DNAH9: variants seen among roughly 807,000 people sequenced by gnomAD.
DNAH9 encodes DNAH9 variant protein.
A neutral mutation model predicts 471.6 loss-of-function variants in DNAH9; 345 were observed. That is an observed-to-expected ratio of 0.73 (90% CI 0.67 to 0.80). DNAH9 has a LOEUF of 0.80. Among genes scored for constraint, DNAH9 ranks in the 30% least tolerant of loss-of-function variants. The probability of loss-of-function intolerance (pLI) is 0.00; values close to 1 mark genes in which losing one functional copy is unlikely to be tolerated. For missense variants in DNAH9, 5,407 were observed against 5,609.2 expected, an observed-to-expected ratio of 0.96 and a Z score of 1.15; for synonymous variants, 2,093 against 2,123.6, an observed-to-expected ratio of 0.99 and a Z score of 0.40.
rs116598510 is a variant in DNAH9, at chr17:11,712,514, C to T, written c.5553-6820C>T. On this transcript the variant is annotated intron_variant, in intron 26 of 68. Coordinates refer to ENST00000262442, the MANE Select transcript of DNAH9 (RefSeq NM_001372.4). Reference sequence around the variant, plus strand: ...ACTGATAAGCTGTTTTCTAAAGTGGCTGCACCATTTTACATTTACACCAAC... The same window carrying T: ...ACTGATAAGCTGTTTTCTAAAGTGGTTGCACCATTTTACATTTACACCAAC... 1.0e-3 allele frequency among the ~76,000 whole-genome samples: 157 copies of T among 152,142 alleles called. 2 individuals carry two copies. Among genetic ancestry groups the T allele is most frequent in the African/African-American group, 3.7e-3 (155 of 41,516 alleles).
At chr17:11,736,526 G>A (rs2075350238) in intron 28 of DNAH9, among the ~76,000 whole-genome samples, 1 of 152,128 alleles carries the variant, frequency 6.6e-6, no homozygotes. Context: ...CCTTTCCCAG[G>A]ACCTGGACGT....
Position 11,744,992 on chromosome 17 carries a change from G to A in DNAH9, c.6307G>A (p.Val2103Ile), listed in dbSNP as rs2075498309. The change falls in exon 31 of 69, where the codon GTC (valine) becomes ATC (isoleucine). Residue 2103 changes from valine (V) to isoleucine (I), a missense_variant. Coordinates refer to ENST00000262442, the MANE Select transcript of DNAH9 (RefSeq NM_001372.4). Reference sequence around the variant, plus strand: ...CGGGGACCTCTTTCCCGCCCTGGATGTCCCCCGGAGGAGAGACCCCAACTT... The same window carrying A: ...CGGGGACCTCTTTCCCGCCCTGGATATCCCCCGGAGGAGAGACCCCAACTT... The part of the protein sequence containing the change: ...LIGDLFPALD[V>I]PRRRDPNFEA... 3 of 1,614,012 alleles carry A rather than the reference G, an allele frequency of 1.9e-6. No individual in the cohort carries two copies. The African/African-American group carries it at 4.0e-5, about 22-fold the overall frequency.
At chr17:11,739,899 GT>G (rs1253416330) in intron 29 of DNAH9, among the ~76,000 whole-genome samples, 2 of 152,140 alleles carry the variant, frequency 1.3e-5, no homozygotes, top group Non-Finnish European at 2.9e-5. Flanking sequence ...TGACAAAACT[GT>G]TTTGTCTCAT....
chr17:11,727,816 A>G lies in DNAH9; in HGVS notation c.5710-2A>G. The G allele has an allele frequency of 6.2e-7, 1 of 1,608,562 alleles. No homozygotes were observed. Among genetic ancestry groups the G allele is most frequent in the South Asian group, 1.1e-5 (1 of 90,964 alleles). Reference sequence around the variant, plus strand: ...ATTTAATCTTTGTGCATTTTCTTGCAGTCTTGTGGCAACATCTACAAAGGC... The same window carrying G: ...ATTTAATCTTTGTGCATTTTCTTGCGGTCTTGTGGCAACATCTACAAAGGC... On this transcript the variant is annotated splice_acceptor_variant, in intron 27 of 68. Transcript: ENST00000262442. LOFTEE classifies it high-confidence loss of function.
chr17:11,952,309 CTTTTTTTTTTT>C (rs753276964), intron 67 of DNAH9, among the ~76,000 whole-genome samples: 41 of 71,086 alleles, frequency 5.8e-4, no homozygotes, highest in East Asian at 5.6e-3. Context: ...CCAGCTAATT[CTTTTTTTTTTT>C]TTTTTTTTTT....
At chr17:11,911,731 A>C (rs936692008) in intron 61 of DNAH9, among the ~76,000 whole-genome samples, 1 of 152,128 alleles carries the variant, frequency 6.6e-6, no homozygotes, top group African/African-American at 2.4e-5. Flanking sequence ...TTGTCTTGCC[A>C]TTTATTTAGC....
chr17:11,802,869 T>C (rs9894590), intron 43 of DNAH9, among the ~76,000 whole-genome samples: 119,450 of 152,076 alleles, frequency 0.79, 47,548 homozygotes, highest in African/African-American at 0.91. Flanking sequence ...CTTTCTGCAG[T>C]TTTGATGCTG....
At chr17:11,867,772 T>C (rs1281553846) in intron 50 of DNAH9, among the ~76,000 whole-genome samples, 1 of 152,230 alleles carries the variant, frequency 6.6e-6, no homozygotes, top group Non-Finnish European at 1.5e-5. Context: ...CAAAATCTGA[T>C]GAGTTATGCC....
intron 14 of DNAH9, among the ~76,000 whole-genome samples, 174 bp from the exon 15 acceptor site, chr17:11,664,659 C>T (rs2073835093): frequency 6.6e-6 from 1 of 152,198 alleles, no homozygotes; most frequent in African/African-American, 2.4e-5. Context: ...ACTTTGCCTT[C>T]CTTTCAGTCA....
chr17:11,759,552 T>G (rs545582964), intron 35 of DNAH9, among the ~76,000 whole-genome samples: 2 of 145,768 alleles, frequency 1.4e-5, no homozygotes, highest in Non-Finnish European at 3.0e-5. Context: ...AGTCGTTGTC[T>G]CGCTCTGTCA....
chr17:11,709,202 A>G (rs906402532), intron 26 of DNAH9, among the ~76,000 whole-genome samples: 1 of 152,232 alleles, frequency 6.6e-6, no homozygotes, highest in African/African-American at 2.4e-5. Context: ...ATAGGGATTT[A>G]TGGCCTCTAC....
At chr17:11,663,492 G>C (rs1412312291) in intron 14 of DNAH9, among the ~76,000 whole-genome samples, 1 of 152,160 alleles carries the variant, frequency 6.6e-6, no homozygotes, top group Non-Finnish European at 1.5e-5. Context: ...TTCTTGTTCT[G>C]TCTGTTATCC....
rs987816798 is a variant in DNAH9, at chr17:11,598,629, A to C, written c.131A>C (p.Glu44Ala). 8.9e-6 allele frequency: 12 copies of C among 1,342,356 alleles called. No homozygotes were observed. The highest frequency in any genetic ancestry group is 2.5e-4 in the Middle Eastern group (1 of 3,946). The allele number at this position is 1,342,356 out of a possible 1,614,324, so 83.2% of individuals were successfully genotyped here. A position where few individuals can be genotyped will look rare whatever the true frequency, so the allele number is the denominator to read the frequency against. Reference protein sequence around the residue: ...MSLRPAAGAWERCAGSAEAEQ... With the variant: ...MSLRPAAGAWARCAGSAEAEQ... ...CTGCGGCCGGCTGCGGGCGCCTGGG[A>C]GCGTTGCGCGGGGAGTGCTGAGGCG... is the stretch of plus-strand genomic sequence containing the variant. Residue 44 changes from glutamate to alanine, a missense_variant, in exon 1 of 69, where the codon GAG (glutamate) becomes GCG (alanine). Around this residue, in one of 3 missense-constraint regions of DNAH9, gnomAD observed 767 missense variants for 692.5 expected, o/e 1.11. Transcript: ENST00000262442.
intron 49 of DNAH9, among the ~76,000 whole-genome samples, chr17:11,846,039 G>A (rs1410967156): frequency 6.6e-6 from 1 of 151,900 alleles, no homozygotes; most frequent in African/African-American, 2.4e-5. Flanking sequence ...GGCTTTTGTT[G>A]CCATTGCTTT....
chr17:11,625,263 G>T (rs2072948725), intron 6 of DNAH9, among the ~76,000 whole-genome samples: 1 of 152,158 alleles, frequency 6.6e-6, no homozygotes, highest in East Asian at 1.9e-4. Context: ...GAGACAAAAT[G>T]ATTTCCTGCT....
intron 59 of DNAH9, among the ~76,000 whole-genome samples, chr17:11,895,785 A>C (rs373526458): frequency 1.7e-3 from 258 of 152,354 alleles, no homozygotes; most frequent in African/African-American, 5.8e-3. Context: ...GGAATTATAC[A>C]GTATATAACC....
At chr17:11,947,449 C>G (rs916017377) in intron 67 of DNAH9, among the ~76,000 whole-genome samples, 4 of 152,140 alleles carry the variant, frequency 2.6e-5, no homozygotes, top group Admixed American at 2.6e-4. Context: ...CCTACTGAGC[C>G]TTGAAATGGA....
At chr17:11,778,468 G>A (rs1481427388) in intron 38 of DNAH9, among the ~76,000 whole-genome samples, 1 of 151,958 alleles carries the variant, frequency 6.6e-6, no homozygotes, top group Non-Finnish European at 1.5e-5. Context: ...CAACAAACTG[G>A]CTTTTGCTCC....
rs1218339736 is a variant in DNAH9, at chr17:11,962,371, C to A, written c.13233+115C>A. ...TTCCTGAATCTTTTTCTCTAGCTAA[C>A]CTTCTTTCCTTGAGGCCATCAGGCC... On this transcript the variant is annotated intron_variant, in intron 68 of 68. Coordinates refer to ENST00000262442, the MANE Select transcript of DNAH9 (RefSeq NM_001372.4). This position sits in a 1 kb window ranked among gnomAD's most constrained non-coding sequence, Gnocchi z 4.1. The A allele has an allele frequency of 1.4e-6, 2 of 1,432,270 alleles. No homozygotes were observed. The highest frequency in any genetic ancestry group is 2.7e-5 in the Admixed American group (1 of 36,916). The allele number at this position is 1,432,270 out of a possible 1,614,324, so 88.7% of individuals were successfully genotyped here.
Sources: allele counts gnomAD v4.1 joint callset (sites outside exome capture counted in the v4.1 genomes callset), GRCh38; gene constraint gnomAD v4.1.1; regional missense constraint gnomAD v4.1.1; non-coding constraint Gnocchi (gnomAD v3.1); transcripts MANE v1.5; gene names NCBI Gene and HGNC (gene_info 2026-07-23, HGNC 2026-07-21).